Variants in MAP2K2 observed in about 807,000 individuals in gnomAD.
The protein encoded by MAP2K2 is dual specificity mitogen-activated protein kinase kinase 2.
MAP2K2 carries 24 observed loss-of-function variants against 43.7 expected under a neutral mutation model. The ratio of observed to expected loss-of-function variants is 0.55; its 90% CI spans 0.40 to 0.77. The LOEUF (loss-of-function observed/expected upper bound fraction) is 0.77. Among genes scored for constraint, MAP2K2 ranks in the 30% least tolerant of loss-of-function variants. MAP2K2 has a pLI of 0.00. For synonymous variants in MAP2K2, 244 were observed against 239.7 expected (o/e 1.02, Z -0.17); for missense variants, 470 against 566.8 (o/e 0.83, Z 1.73).
chr19:4,113,121 C>T (rs116135240), intron 2 of MAP2K2, among the ~76,000 whole-genome samples: 3 of 152,212 alleles, frequency 2.0e-5, no homozygotes, highest in South Asian at 2.1e-4. Flanking sequence ...AGCGCGCGTT[C>T]GGCTGGCCGT....
In MAP2K2 at chr19:4,115,279, GC is replaced by G. The variant is rs1037614870; in HGVS notation, c.303+2139del. Reference sequence around the variant, plus strand: ...GCCACGCCTGCCCTCAGGTTCAAAGGCCCCGATCTCCCTTTCCCCGCTACAG... The same window carrying G: ...GCCACGCCTGCCCTCAGGTTCAAAGGCCCGATCTCCCTTTCCCCGCTACAG... On this transcript the variant is annotated intron_variant, in intron 2 of 10. Transcript: ENST00000262948. The surrounding 1 kb of genome is among the most constrained non-coding windows in gnomAD (Gnocchi z 4.1). Among the ~76,000 whole-genome samples the G allele has an allele frequency of 6.6e-6, 1 of 152,048 alleles. No individual in the cohort carries two copies. Among genetic ancestry groups the G allele is most frequent in the African/African-American group, 2.4e-5 (1 of 41,386 alleles).
intron 3 of MAP2K2, among the ~76,000 whole-genome samples, chr19:4,104,090 C>A (rs1456284561): frequency 6.6e-6 from 1 of 151,972 alleles, no homozygotes; most frequent in African/African-American, 2.4e-5. Flanking sequence ...ATGGTAAAAC[C>A]CCATCTCCAC....
intron 3 of MAP2K2, 37 bp from the exon 4 acceptor site, chr19:4,102,490 C>T (rs2145058073): frequency 6.6e-7 from 1 of 1,505,412 alleles, no homozygotes; most frequent in Non-Finnish European, 9.1e-7. Flanking sequence ...AGGCTCTGCG[C>T]AGGTGGCCGG....
rs150833333 is a variant in MAP2K2 at position 4,102,379 on chromosome 19, G to A, written c.525C>T (p.Ile175=). ...TGTGGGTCTGCGGTGGACTCACCGC[G>A]ATGCTGACTTTCCCCAGGATCTCCT... The part of the protein sequence containing the change: ...IPEEILGKVS[I]AVLRGLAYLR... Residue 175 remains isoleucine (I), a synonymous_variant, in exon 4 of 11, where the codon ATC becomes ATT. Transcript: ENST00000262948. 1.3e-4 allele frequency: 201 copies of A among 1,599,240 alleles called. No homozygotes were observed. The highest frequency in any genetic ancestry group is 7.6e-4 in the Admixed American group (44 of 57,774).
At chr19:4,095,335 G>A in intron 9 of MAP2K2, 53 bp downstream of exon 9, 2 of 1,503,864 alleles carry the variant, frequency 1.3e-6, no homozygotes, top group Non-Finnish European at 1.8e-6. Flanking sequence ...GACCCGGAAG[G>A]AGTGGCACAT....
chr19:4,104,695 ATGTT>A lies in MAP2K2; in HGVS notation c.451-2246_451-2243del, dbSNP rs1014362683. 14 of 152,318 alleles carry A rather than the reference ATGTT, an allele frequency of 9.2e-5. 1 individual carries two copies. Among genetic ancestry groups the A allele is most frequent in the Admixed American group, 2.6e-4 (4 of 15,294 alleles). 9.4% of individuals were successfully genotyped at this position (152,318 alleles called of 1,614,324 possible). ...TTCGTTTCTCCTGGGGCCGCAATCA[ATGTT>A]TGTTTAGTGAGAAAATTCAAAGAGC... On this transcript the variant is annotated intron_variant, in intron 3 of 10. Transcript: ENST00000262948.
Position 4,115,304 on chromosome 19 carries a change from A to C in MAP2K2, c.303+2115T>G, listed in dbSNP as rs2041206313. 6.6e-6 allele frequency among the ~76,000 whole-genome samples: 1 copy of C among 152,122 alleles called. No individual in the cohort carries two copies. Among genetic ancestry groups the C allele is most frequent in the Non-Finnish European group, 1.5e-5 (1 of 68,006 alleles). On this transcript the variant is annotated intron_variant, in intron 2 of 10. Transcript: ENST00000262948. This position sits in a 1 kb window ranked among gnomAD's most constrained non-coding sequence, Gnocchi z 4.1. ...GCCCCGATCTCCCTTTCCCCGCTAC[A>C]GTAAAGCTGCAGGTGGGCCCGGCTT... is the stretch of plus-strand genomic sequence containing the variant.
At chr19:4,105,196 G>GTA (rs1396025290) in intron 3 of MAP2K2, among the ~76,000 whole-genome samples, 1 of 114,130 alleles carries the variant, frequency 8.8e-6, no homozygotes, top group African/African-American at 2.7e-5. Flanking sequence ...GTGTGTGTGT[G>GTA]TGTGTGTGAT....
At chr19:4,119,329 C>T (rs565123322) in intron 1 of MAP2K2, among the ~76,000 whole-genome samples, 7 of 152,244 alleles carry the variant, frequency 4.6e-5, no homozygotes, top group African/African-American at 1.4e-4. Context: ...TCAAGCAATT[C>T]TCCTGCCTCA....
Position 4,101,513 on chromosome 19 carries a change from C to T in MAP2K2, c.529-233G>A, listed in dbSNP as rs184621699. 5.4e-4 allele frequency among the ~76,000 whole-genome samples: 82 copies of T among 152,298 alleles called. No individual in the cohort carries two copies. Among genetic ancestry groups the T allele is most frequent in the Admixed American group, 9.1e-4 (14 of 15,302 alleles). Reference sequence around the variant, plus strand: ...ACCCCGGTTCCCATGGCCGCAGTGCCGCCGATGCCACTACTGCCTTTGATT... The same window carrying T: ...ACCCCGGTTCCCATGGCCGCAGTGCTGCCGATGCCACTACTGCCTTTGATT... On this transcript the variant is annotated intron_variant, in intron 4 of 10. Coordinates refer to ENST00000262948, the MANE Select transcript of MAP2K2 (RefSeq NM_030662.4). The surrounding 1 kb of genome is among the most constrained non-coding windows in gnomAD (Gnocchi z 6.3).
At chr19:4,119,762 C>A (rs146257020) in intron 1 of MAP2K2, among the ~76,000 whole-genome samples, 1 of 152,212 alleles carries the variant, frequency 6.6e-6, no homozygotes, top group African/African-American at 2.4e-5. Flanking sequence ...TCTGGAAGAA[C>A]AGGCCACCTC....
At chr19:4,090,915 G>T (rs1175028995) in intron 10 of MAP2K2, among the ~76,000 whole-genome samples, 1 of 152,204 alleles carries the variant, frequency 6.6e-6, no homozygotes, top group African/African-American at 2.4e-5. Flanking sequence ...CCTGGGAGGG[G>T]TCTCAGGATG....
At chr19:4,110,801 T>A in intron 2 of MAP2K2, 146 bp from the exon 3 acceptor site, 1 of 812,144 alleles carries the variant, frequency 1.2e-6, no homozygotes, top group Non-Finnish European at 1.9e-6. Flanking sequence ...GGTGTCTGCC[T>A]AGAAGTGGAC....
chr19:4,099,154 G>A (rs1209090259), intron 7 of MAP2K2, 47 bp downstream of exon 7: 4 of 1,512,426 alleles, frequency 2.6e-6, no homozygotes, highest in Admixed American at 3.8e-5. Context: ...CAGGCCCCGC[G>A]CAGGGCACTG....
intron 6 of MAP2K2, chr19:4,100,320 C>T (rs2040985769): frequency 6.8e-6 from 1 of 148,034 alleles, no homozygotes; most frequent in Non-Finnish European, 1.5e-5. Context: ...GCCCCAGCTG[C>T]TTGGAAGGCT....
At chr19:4,100,906 G>A in intron 6 of MAP2K2, 113 bp downstream of exon 6, 2 of 1,242,378 alleles carry the variant, frequency 1.6e-6, no homozygotes, top group South Asian at 2.7e-5. Flanking sequence ...AGCTGCGCAG[G>A]AGACATGGGG....
intron 2 of MAP2K2, among the ~76,000 whole-genome samples, chr19:4,114,490 C>T (rs2041196431): frequency 6.6e-6 from 1 of 152,196 alleles, no homozygotes; most frequent in Admixed American, 6.5e-5. Flanking sequence ...ACTCTCATCT[C>T]TGCTATGAGC....
At position 4,115,367 on chromosome 19, in the gene MAP2K2, C is replaced by G. The variant is rs947188619; in HGVS notation, c.303+2052G>C. On this transcript the variant is annotated intron_variant, in intron 2 of 10. Coordinates refer to ENST00000262948, the MANE Select transcript of MAP2K2 (RefSeq NM_030662.4). This position sits in a 1 kb window ranked among gnomAD's most constrained non-coding sequence, Gnocchi z 4.1. ...TCAGCAGGAGCAGGAGCTGCTGATA[C>G]AGCAAGCATTGGGTTCATGTCCACT... Among the ~76,000 whole-genome samples, 1 of 152,188 alleles carries G rather than the reference C, an allele frequency of 6.6e-6. No individual in the cohort carries two copies. The highest frequency in any genetic ancestry group is 1.5e-5 in the Non-Finnish European group (1 of 68,038).
rs923096646 is a variant in MAP2K2, at chr19:4,119,672, G to A, written c.93-2043C>T. ...ATGGCATTATTGCGCCTATGCTCTC[G>A]TGGGTTTGGGCAATTCTTGTTTTAT... On this transcript the variant is annotated intron_variant, in intron 1 of 10. Transcript: ENST00000262948. Among the ~76,000 whole-genome samples, 5 of 152,154 alleles carry A rather than the reference G, an allele frequency of 3.3e-5. No individual in the cohort carries two copies. In the East Asian group the frequency reaches 9.6e-4, roughly 29 times the overall value.
Sources: allele counts gnomAD v4.1 joint callset (sites outside exome capture counted in the v4.1 genomes callset), GRCh38; gene constraint gnomAD v4.1.1; non-coding constraint Gnocchi (gnomAD v3.1); transcripts MANE v1.5; gene names NCBI Gene and HGNC (gene_info 2026-07-23, HGNC 2026-07-21).